Variants in HS6ST1 observed in about 807,000 individuals in gnomAD.
HS6ST1 encodes heparan-sulfate 6-O-sulfotransferase 1.
HS6ST1 carries 3 observed loss-of-function variants against 25.2 expected under a neutral mutation model. The ratio of observed to expected loss-of-function variants is 0.12; its 90% confidence interval spans 0.05 to 0.31. HS6ST1 has a LOEUF of 0.31. Ranked by LOEUF, HS6ST1 falls within the 10% of genes least tolerant of loss-of-function variation. The pLI, the probability that HS6ST1 is intolerant of heterozygous loss-of-function variation, is 1.00. For missense variants in HS6ST1, 310 were observed against 609.6 expected, an observed-to-expected ratio of 0.51 and a Z score of 5.18; for synonymous variants, 204 against 275.1, an observed-to-expected ratio of 0.74 and a Z score of 2.56.
Position 128,318,084 on chromosome 2 carries a change from C to A in HS6ST1, c.480G>T (p.Val160=), listed in dbSNP as rs1694401315. The change falls in exon 1 of 2, where the codon GTG becomes GTT. Residue 160 remains valine, a synonymous_variant. Transcript: ENST00000259241. This position sits in a 1 kb window ranked among gnomAD's most constrained non-coding sequence, Gnocchi z 5.7. ...HADWTELTNC[V]PGVLDRRDSA... ...AGTCGCGGCGGTCCAGCACGCCGGG[C>A]ACGCAGTTGGTGAGCTCGGTCCAGT... is the stretch of plus-strand genomic sequence containing the variant. 6.5e-7 allele frequency: 1 copy of A among 1,529,400 alleles called. No individual in the cohort carries two copies. The highest frequency in any genetic ancestry group is 8.8e-7 in the Non-Finnish European group (1 of 1,141,272). The allele number at this position is 1,529,400 out of a possible 1,614,324, so 94.7% of individuals were successfully genotyped here.
intron 1 of HS6ST1, among the ~76,000 whole-genome samples, chr2:128,299,443 A>G (rs2104929573): frequency 6.6e-6 from 1 of 152,348 alleles, no homozygotes; most frequent in East Asian, 1.9e-4. Flanking sequence ...TCAGTGTGAC[A>G]TGTGGGGAAA....
At chr2:128,271,828 G>A (rs7561107) in intron 1 of HS6ST1, among the ~76,000 whole-genome samples, 8,393 of 152,266 alleles carry the variant, frequency 0.055, 764 homozygotes, top group African/African-American at 0.19. Flanking sequence ...TTCCTCAGCC[G>A]CACACAGTGG....
At chr2:128,296,168 C>A (rs1172617907) in intron 1 of HS6ST1, among the ~76,000 whole-genome samples, 1 of 152,214 alleles carries the variant, frequency 6.6e-6, no homozygotes, top group Non-Finnish European at 1.5e-5. Context: ...GAGAAATAAA[C>A]ACTTGCTGCT....
chr2:128,315,132 T>C (rs1694342515), intron 1 of HS6ST1, among the ~76,000 whole-genome samples: 1 of 152,168 alleles, frequency 6.6e-6, no homozygotes, highest in African/African-American at 2.4e-5. Context: ...CCCTGGCTGA[T>C]GTCGGCAGAT....
At chr2:128,280,277 T>C (rs1449829754) in intron 1 of HS6ST1, among the ~76,000 whole-genome samples, 1 of 152,234 alleles carries the variant, frequency 6.6e-6, no homozygotes, top group Non-Finnish European at 1.5e-5. Context: ...GGCTGCCTCC[T>C]CTTTCCTGTG....
rs974992743 is a variant in HS6ST1, at chr2:128,279,542, G to A, written c.528-10672C>T. ...CTGAGAGGGGCTCTATTCCAATGGTGTGCTTTGATCTCCCAGGGACCAGGG... is the reference window on the plus strand; with the variant it reads ...CTGAGAGGGGCTCTATTCCAATGGTATGCTTTGATCTCCCAGGGACCAGGG... On this transcript the variant is annotated intron_variant, in intron 1 of 1. Transcript: ENST00000259241. 6.6e-5 allele frequency among the ~76,000 whole-genome samples: 10 copies of A among 152,204 alleles called. No homozygotes were observed. In the East Asian group the frequency reaches 1.9e-3, roughly 29 times the overall value.
Position 128,267,039 on chromosome 2 carries a change from G to GA in HS6ST1, c.*1122dup, listed in dbSNP as rs1693527949. On this transcript the variant is annotated 3_prime_UTR_variant, in exon 2 of 2. Coordinates refer to ENST00000259241, the MANE Select transcript of HS6ST1 (RefSeq NM_004807.3). ...CAGCTGTTTTGCCAAGGCTAGTTGAGAATCTGAAAGCTCGAGTCCCAGTTC... is the reference window on the plus strand; with the variant it reads ...CAGCTGTTTTGCCAAGGCTAGTTGAGAAATCTGAAAGCTCGAGTCCCAGTTC... 6.6e-6 allele frequency: 1 copy of GA among 152,260 alleles called. No homozygotes were observed. Among genetic ancestry groups the GA allele is most frequent in the African/African-American group, 2.4e-5 (1 of 41,464 alleles). The allele number at this position is 152,260 out of a possible 1,614,324, so 9.4% of individuals were successfully genotyped here. A position where few individuals can be genotyped will look rare whatever the true frequency, so the allele number is the denominator to read the frequency against.
In HS6ST1 at chr2:128,306,895, C is replaced by G. The variant is rs1014082375; in HGVS notation, c.527+11142G>C. On this transcript the variant is annotated intron_variant, in intron 1 of 1. Transcript: ENST00000259241. ...CCAGGCACCAGGCTGGAGGCACAGA[C>G]AGCAGTGTCGTCACTGTCATGGGGG... 2.0e-5 allele frequency among the ~76,000 whole-genome samples: 3 copies of G among 152,270 alleles called. No homozygotes were observed. In the East Asian group the frequency reaches 5.8e-4, roughly 29 times the overall value.
intron 1 of HS6ST1, among the ~76,000 whole-genome samples, chr2:128,312,012 A>G (rs1464104405): frequency 6.6e-6 from 1 of 152,268 alleles, no homozygotes; most frequent in Non-Finnish European, 1.5e-5. Context: ...GAGCCCAGGC[A>G]TGATGCCTGT....
chr2:128,273,327 G>A (rs1558868417), intron 1 of HS6ST1, among the ~76,000 whole-genome samples: 1 of 152,168 alleles, frequency 6.6e-6, no homozygotes, highest in African/African-American at 2.4e-5. Context: ...CCCTAGACAC[G>A]GCCTGTGGTA....
intron 1 of HS6ST1, among the ~76,000 whole-genome samples, chr2:128,296,242 TCA>T (rs1694038430): frequency 6.6e-6 from 1 of 152,228 alleles, no homozygotes; most frequent in Non-Finnish European, 1.5e-5. Flanking sequence ...TATGAAAAAC[TCA>T]CAGTTAACAT....
At chr2:128,299,021 C>T (rs1184520835) in intron 1 of HS6ST1, among the ~76,000 whole-genome samples, 2 of 152,176 alleles carry the variant, frequency 1.3e-5, no homozygotes, top group South Asian at 4.1e-4. Flanking sequence ...CCTCGGCTCT[C>T]GGAATGAGAG....
chr2:128,293,181 C>T (rs1231598605), intron 1 of HS6ST1, among the ~76,000 whole-genome samples: 3 of 152,366 alleles, frequency 2.0e-5, no homozygotes, highest in African/African-American at 7.2e-5. Context: ...CCCACCCGCA[C>T]ACCCTGTCTC....
At chr2:128,283,657 G>A (rs563164506) in intron 1 of HS6ST1, among the ~76,000 whole-genome samples, 50 of 152,240 alleles carry the variant, frequency 3.3e-4, no homozygotes, top group Admixed American at 2.7e-3. Flanking sequence ...CTGCAGCCTC[G>A]GCCTCCCCCT....
chr2:128,306,825 C>T (rs976363742), intron 1 of HS6ST1, among the ~76,000 whole-genome samples: 3 of 152,174 alleles, frequency 2.0e-5, no homozygotes, highest in Non-Finnish European at 4.4e-5. Flanking sequence ...CCTGGGTGCG[C>T]CCGCAGCAGA....
intron 1 of HS6ST1, among the ~76,000 whole-genome samples, chr2:128,299,826 C>T (rs968965379): frequency 3.3e-5 from 5 of 152,180 alleles, no homozygotes; most frequent in Non-Finnish European, 7.4e-5. Flanking sequence ...ATCTGCCAGG[C>T]GGAGGCTGGG....
At chr2:128,275,346 T>G (rs1215885974) in intron 1 of HS6ST1, among the ~76,000 whole-genome samples, 1 of 152,194 alleles carries the variant, frequency 6.6e-6, no homozygotes, top group Non-Finnish European at 1.5e-5. Context: ...TTCACCTTCA[T>G]CTATCGAAAC....
At chr2:128,306,185 A>G (rs1694204867) in intron 1 of HS6ST1, among the ~76,000 whole-genome samples, 1 of 152,118 alleles carries the variant, frequency 6.6e-6, no homozygotes, top group South Asian at 2.1e-4. Flanking sequence ...CGGGACAGGA[A>G]TGCCCTCCTT....
intron 1 of HS6ST1, among the ~76,000 whole-genome samples, chr2:128,296,103 C>T (rs1443345659): frequency 6.6e-6 from 1 of 152,216 alleles, no homozygotes; most frequent in Non-Finnish European, 1.5e-5. Context: ...AACAAGCCCT[C>T]ACCAGTTCCA....
Sources: allele counts gnomAD v4.1 joint callset (sites outside exome capture counted in the v4.1 genomes callset), GRCh38; gene constraint gnomAD v4.1.1; non-coding constraint Gnocchi (gnomAD v3.1); transcripts MANE v1.5; gene names NCBI Gene and HGNC (gene_info 2026-07-23, HGNC 2026-07-21).